The following MLLT1 variants were observed in gnomAD, a reference collection of about 807,000 sequenced individuals.
MLLT1 encodes the protein MLLT1 super elongation complex subunit.
Under a neutral mutation model 55.1 loss-of-function variants are expected in MLLT1, and 11 were observed. The ratio of observed to expected loss-of-function variants is 0.20; its 90% CI spans 0.13 to 0.33. The LOEUF is 0.33. Ranked by LOEUF, MLLT1 falls within the 10% of genes least tolerant of loss-of-function variation. The probability of loss-of-function intolerance (pLI) is 1.00; values close to 1 mark genes in which losing one functional copy is unlikely to be tolerated. For synonymous variants in MLLT1, 323 were observed against 320.1 expected (o/e 1.01, Z -0.10); for missense variants, 536 against 760.6 (o/e 0.70, Z 3.47).
intron 6 of MLLT1, among the ~76,000 whole-genome samples, chr19:6,218,537 T>A (rs1031260915): frequency 6.6e-6 from 1 of 152,214 alleles, no homozygotes; most frequent in Non-Finnish European, 1.5e-5. Flanking sequence ...CCCCACCCAT[T>A]CGCTGCTCCT....
chr19:6,239,397 C>T (rs918442342), intron 3 of MLLT1, among the ~76,000 whole-genome samples: 5 of 152,202 alleles, frequency 3.3e-5, no homozygotes, highest in Admixed American at 2.6e-4. Context: ...AAATGTCCCC[C>T]CTAGTCAGAT....
rs773497218 is a variant in MLLT1 at position 6,270,565 on chromosome 19, T to C, written c.193+14A>G. Reference sequence around the variant, plus strand: ...GGTCCGTGCTGTGGGCACTCAGGGCTTGAGGCCACTCACCGCGTCTGGGCT... The same window carrying C: ...GGTCCGTGCTGTGGGCACTCAGGGCCTGAGGCCACTCACCGCGTCTGGGCT... On this transcript the variant is annotated intron_variant, in intron 2 of 11. Transcript: ENST00000252674. The surrounding 1 kb of genome is among the most constrained non-coding windows in gnomAD (Gnocchi z 7.1). 4 of 1,604,192 alleles carry C rather than the reference T, an allele frequency of 2.5e-6. No homozygotes were observed. The highest frequency in any genetic ancestry group is 3.4e-6 in the Non-Finnish European group (4 of 1,175,078).
intron 3 of MLLT1, among the ~76,000 whole-genome samples, chr19:6,250,946 G>A (rs573520771): frequency 6.6e-6 from 1 of 152,250 alleles, no homozygotes; most frequent in African/African-American, 2.4e-5. Context: ...GCAACAACAC[G>A]GATGAACTCA....
chr19:6,264,212 C>T (rs2091327871), intron 2 of MLLT1, among the ~76,000 whole-genome samples: 1 of 152,110 alleles, frequency 6.6e-6, no homozygotes, highest in Admixed American at 6.5e-5. Flanking sequence ...TCCCTCCCTC[C>T]TGCCCATCCT....
At position 6,212,965 on chromosome 19, in the gene MLLT1, C is replaced by G; in HGVS notation, c.*77G>C. The G allele has an allele frequency of 6.4e-7, 1 of 1,561,186 alleles. No individual in the cohort carries two copies. Reference sequence around the variant, plus strand: ...AAGGCAGTGCTGCGGGCAGGCGAGACGGGAGAGGAGGGCAGGCGAGGCCTG... The same window carrying G: ...AAGGCAGTGCTGCGGGCAGGCGAGAGGGGAGAGGAGGGCAGGCGAGGCCTG... On this transcript the variant is annotated 3_prime_UTR_variant, in exon 12 of 12. Transcript: ENST00000252674.
In MLLT1 at chr19:6,240,979, C is replaced by T. The variant is rs1042269887; in HGVS notation, c.277-10266G>A. On this transcript the variant is annotated intron_variant, in intron 3 of 11. Transcript: ENST00000252674. This position sits in a 1 kb window ranked among gnomAD's most constrained non-coding sequence, Gnocchi z 4.7. The stretch of plus-strand genomic sequence containing the variant: ...TTAATGATTTCTCCTCAGTCTGACA[C>T]CAGAAAAGGCAGAAAGCAGCCAGCA... Among the ~76,000 whole-genome samples the T allele has an allele frequency of 6.6e-6, 1 of 152,144 alleles. No homozygotes were observed.
intron 3 of MLLT1, among the ~76,000 whole-genome samples, chr19:6,239,401 G>A (rs929851601): frequency 2.0e-5 from 3 of 152,186 alleles, no homozygotes; most frequent in African/African-American, 7.2e-5. Flanking sequence ...GTCCCCCCTA[G>A]TCAGATAAAT....
rs2233196 is a variant in MLLT1 at position 6,213,723 on chromosome 19, C to A, written c.1479+3G>T. 4.2e-5 allele frequency: 68 copies of A among 1,612,714 alleles called. No homozygotes were observed. The highest frequency in any genetic ancestry group is 2.0e-4 in the Admixed American group (12 of 59,924). ...CCCCGCCTTGTCGTAGGTGCCCCCCCACCTTGTCGTAGGTGCCCTTCTTGA... is the reference window on the plus strand; with the variant it reads ...CCCCGCCTTGTCGTAGGTGCCCCCCAACCTTGTCGTAGGTGCCCTTCTTGA... On this transcript the variant is annotated splice_donor_region_variant and intron_variant, in intron 10 of 11. Transcript: ENST00000252674.
chr19:6,220,875 G>A (rs1281395478), intron 6 of MLLT1, among the ~76,000 whole-genome samples: 1 of 152,208 alleles, frequency 6.6e-6, no homozygotes, highest in African/African-American at 2.4e-5. Flanking sequence ...GATGGGCCGG[G>A]ACTTCTGGAA....
At chr19:6,242,123 G>T (rs560654746) in intron 3 of MLLT1, among the ~76,000 whole-genome samples, 4 of 152,322 alleles carry the variant, frequency 2.6e-5, no homozygotes, top group Admixed American at 2.6e-4. Context: ...CAGCCTCCCT[G>T]CCTCAAGACC....
intron 1 of MLLT1, among the ~76,000 whole-genome samples, chr19:6,275,415 T>C (rs1305898382): frequency 1.3e-5 from 2 of 152,142 alleles, no homozygotes; most frequent in Admixed American, 1.3e-4. Flanking sequence ...TGACGAGGCT[T>C]GGGCGATCCC....
chr19:6,233,650 C>T (rs2091033168), intron 3 of MLLT1, among the ~76,000 whole-genome samples: 1 of 152,236 alleles, frequency 6.6e-6, no homozygotes, highest in Admixed American at 6.5e-5. Context: ...AGAGGTGGTG[C>T]CTGTGGGGGC....
rs146284938 is a variant in MLLT1, at chr19:6,266,090, G to A, written c.194-3780C>T. 2.1e-3 allele frequency among the ~76,000 whole-genome samples: 323 copies of A among 151,878 alleles called. 3 individuals carry two copies. Among genetic ancestry groups the A allele is most frequent in the African/African-American group, 7.4e-3 (306 of 41,408 alleles). The stretch of plus-strand genomic sequence containing the variant: ...GCCCAAGAGTTCAAGACCAACTTGG[G>A]CAACATGGTGAAATCCCGTCTCTGC... On this transcript the variant is annotated intron_variant, in intron 2 of 11. Coordinates refer to ENST00000252674, the MANE Select transcript of MLLT1 (RefSeq NM_005934.4).
chr19:6,271,630 A>G (rs926232781), intron 1 of MLLT1, among the ~76,000 whole-genome samples: 4 of 152,254 alleles, frequency 2.6e-5, no homozygotes, highest in African/African-American at 9.6e-5. Context: ...ACCAACAGGG[A>G]ACCTACAGTA....
rs1431558570 is a variant in MLLT1 at position 6,230,858 on chromosome 19, A to T, written c.277-145T>A. The T allele has an allele frequency of 4.8e-6, 5 of 1,033,272 alleles. No individual in the cohort carries two copies. The highest frequency in any genetic ancestry group is 5.7e-6 in the Non-Finnish European group (4 of 705,892). The allele number at this position is 1,033,272 out of a possible 1,614,324, so 64.0% of individuals were successfully genotyped here. On this transcript the variant is annotated intron_variant, in intron 3 of 11. Coordinates refer to ENST00000252674, the MANE Select transcript of MLLT1 (RefSeq NM_005934.4). This position sits in a 1 kb window ranked among gnomAD's most constrained non-coding sequence, Gnocchi z 9.0. The stretch of plus-strand genomic sequence containing the variant: ...TTTGCGCCCACTTCTCTCTCAGGGC[A>T]CCTCCTGCCCTGCCCTTATTCAAAA...
At chr19:6,250,127 T>C (rs925704140) in intron 3 of MLLT1, among the ~76,000 whole-genome samples, 1 of 152,020 alleles carries the variant, frequency 6.6e-6, no homozygotes, top group Non-Finnish European at 1.5e-5. Context: ...CAAAACAGGA[T>C]ATACAAATGG....
At chr19:6,246,784 G>C (rs1488760673) in intron 3 of MLLT1, among the ~76,000 whole-genome samples, 6 of 152,138 alleles carry the variant, frequency 3.9e-5, no homozygotes, top group Admixed American at 2.6e-4. Flanking sequence ...ATGGGCAGAG[G>C]GGGCAGACCC....
chr19:6,219,984 G>C lies in MLLT1; in HGVS notation c.1111-1943C>G, dbSNP rs565949633. On this transcript the variant is annotated intron_variant, in intron 6 of 11. Transcript: ENST00000252674. This position sits in a 1 kb window ranked among gnomAD's most constrained non-coding sequence, Gnocchi z 4.5. Reference sequence around the variant, plus strand: ...GTGATCAGAAGGGCCACCGGAGCACGCCCGGGGCTCAGAGGGAGGGCGGAG... The same window carrying C: ...GTGATCAGAAGGGCCACCGGAGCACCCCCGGGGCTCAGAGGGAGGGCGGAG... Among the ~76,000 whole-genome samples the C allele has an allele frequency of 6.6e-6, 1 of 152,232 alleles. No individual in the cohort carries two copies. The highest frequency in any genetic ancestry group is 6.5e-5 in the Admixed American group (1 of 15,290).
Position 6,273,863 on chromosome 19 carries a change from T to C in MLLT1, c.13-3104A>G, listed in dbSNP as rs2091413305. ...TCCCGGCATTTCTGATGACAGGGAG[T>C]TCCTACCCAGGGCACGCAGGCGGCA... On this transcript the variant is annotated intron_variant, in intron 1 of 11. Transcript: ENST00000252674. This position sits in a 1 kb window ranked among gnomAD's most constrained non-coding sequence, Gnocchi z 4.3. 1.3e-5 allele frequency among the ~76,000 whole-genome samples: 2 copies of C among 152,158 alleles called. No homozygotes were observed. The highest frequency in any genetic ancestry group is 1.9e-4 in the East Asian group (1 of 5,170).
Sources: gnomAD v4.1 joint callset for allele counts (sites outside exome capture counted in the v4.1 genomes callset) on GRCh38, gnomAD v4.1.1 for gene constraint, Gnocchi (gnomAD v3.1) non-coding constraint, MANE v1.5 for transcripts, NCBI Gene and HGNC (gene_info 2026-07-23, HGNC 2026-07-21) for gene names.